Variants in KDM4B observed in about 807,000 individuals in gnomAD.
KDM4B encodes lysine-specific demethylase 4B.
A neutral mutation model predicts 125.2 loss-of-function variants in KDM4B; 32 were observed. The observed-to-expected ratio is 0.26, with a 90% CI of 0.19 to 0.34. The LOEUF is 0.34. Among genes scored for constraint, KDM4B ranks in the 10% least tolerant of loss-of-function variants. KDM4B has a pLI of 1.00. For synonymous variants in KDM4B, 721 were observed against 677.9 expected, an observed-to-expected ratio of 1.06 and a Z score of -0.99; for missense variants, 1,190 against 1,577.7, an observed-to-expected ratio of 0.75 and a Z score of 4.16.
chr19:5,033,074 C>A (rs960891514), intron 3 of KDM4B, 43 bp downstream of exon 3: 5 of 1,598,616 alleles, frequency 3.1e-6, no homozygotes, highest in Non-Finnish European at 3.4e-6. Context: ...CATCAGCCTG[C>A]GCCGCGGGCC....
At chr19:4,988,850 C>T (rs1034813041) in intron 1 of KDM4B, among the ~76,000 whole-genome samples, 1 of 152,170 alleles carries the variant, frequency 6.6e-6, no homozygotes, top group Non-Finnish European at 1.5e-5. Context: ...GGTGACCTCA[C>T]TGCATTGGCC....
intron 18 of KDM4B, among the ~76,000 whole-genome samples, chr19:5,139,675 C>T (rs979900871): frequency 2.0e-5 from 3 of 152,254 alleles, no homozygotes; most frequent in Non-Finnish European, 2.9e-5. Context: ...GTCAGTGACG[C>T]TGGGCATCTT....
intron 1 of KDM4B, among the ~76,000 whole-genome samples, chr19:4,995,178 A>G (rs1472881069): frequency 2.0e-5 from 3 of 152,164 alleles, no homozygotes. Flanking sequence ...TGGGAAGGAC[A>G]CCAGCTCCCC....
intron 1 of KDM4B, among the ~76,000 whole-genome samples, chr19:4,980,175 A>G (rs1392710375): frequency 1.3e-5 from 2 of 152,046 alleles, no homozygotes; most frequent in Non-Finnish European, 2.9e-5. Context: ...CCACTATCAA[A>G]TGTTAGAACC....
chr19:5,110,451 G>A (rs778982878), intron 9 of KDM4B, among the ~76,000 whole-genome samples, 171 bp from the exon 10 acceptor site: 18 of 152,204 alleles, frequency 1.2e-4, no homozygotes, highest in Non-Finnish European at 2.2e-4. Context: ...CAGCCTGGGC[G>A]ACAGAGTGAG....
rs2039743595 is a variant in KDM4B at position 5,141,556 on chromosome 19, T to C, written c.2551-2411T>C. The C allele has an allele frequency of 6.6e-6, 1 of 152,208 alleles. No homozygotes were observed. The highest frequency in any genetic ancestry group is 2.1e-4 in the South Asian group (1 of 4,832). The allele number at this position is 152,208 out of a possible 1,614,324, so 9.4% of individuals were successfully genotyped here. ...TTGCAAGGAGGCGGCGGTTAATTCC[T>C]GCTCGCCCAACCGCCCAGCCACCTT... On this transcript the variant is annotated intron_variant, in intron 18 of 22. Transcript: ENST00000159111. The surrounding 1 kb of genome is among the most constrained non-coding windows in gnomAD (Gnocchi z 6.4).
At chr19:4,987,716 C>T (rs923049713) in intron 1 of KDM4B, among the ~76,000 whole-genome samples, 18 of 152,074 alleles carry the variant, frequency 1.2e-4, no homozygotes, top group African/African-American at 2.9e-4. Flanking sequence ...TGAGCCACTG[C>T]GCCCGGCCAG....
chr19:5,144,873 A>G lies in KDM4B; in HGVS notation c.2992A>G (p.Ile998Val), dbSNP rs1568326123. ...TDGNLYKAKF[I>V]SSVTSHIYQV... ...CGGCAACCTCTACAAGGCCAAGTTC[A>G]TCTCCTCCGTCACCAGCCACATCTA... The change falls in exon 21 of 23, where the codon ATC (isoleucine) becomes GTC (valine). Residue 998 changes from isoleucine to valine, a missense_variant. Transcript: ENST00000159111. 5 of 1,612,638 alleles carry G rather than the reference A, an allele frequency of 3.1e-6. No homozygotes were observed. The highest frequency in any genetic ancestry group is 4.2e-6 in the Non-Finnish European group (5 of 1,179,682).
At chr19:5,064,458 G>A (rs1599539896) in intron 6 of KDM4B, among the ~76,000 whole-genome samples, 1 of 151,636 alleles carries the variant, frequency 6.6e-6, no homozygotes, top group Middle Eastern at 3.4e-3. Context: ...CACATTCCTC[G>A]GCGGCGGGGG....
rs2039953266 is a variant in KDM4B at position 5,151,781 on chromosome 19, G to A, written c.*270G>A. 2.7e-6 allele frequency: 1 copy of A among 363,996 alleles called. No individual in the cohort carries two copies. Among genetic ancestry groups the A allele is most frequent in the Non-Finnish European group, 4.9e-6 (1 of 204,026 alleles). The allele number at this position is 363,996 out of a possible 1,614,324, so 22.5% of individuals were successfully genotyped here. On this transcript the variant is annotated 3_prime_UTR_variant, in exon 23 of 23. Coordinates refer to ENST00000159111, the MANE Select transcript of KDM4B (RefSeq NM_015015.3). ...AAACCATGTAAGCTCTCTTCTTCTCGAAAAGGTGCTACTGCAATGCCCTAC... is the reference window on the plus strand; with the variant it reads ...AAACCATGTAAGCTCTCTTCTTCTCAAAAAGGTGCTACTGCAATGCCCTAC...
intron 7 of KDM4B, among the ~76,000 whole-genome samples, chr19:5,073,114 C>T (rs1253602776): frequency 2.0e-5 from 3 of 152,242 alleles, no homozygotes; most frequent in Non-Finnish European, 4.4e-5. Flanking sequence ...AACTCGATCC[C>T]ATCTGCAAAG....
rs2039955511 is a variant in KDM4B at position 5,141,565 on chromosome 19, A to T, written c.2551-2402A>T. ...GGCGGCGGTTAATTCCTGCTCGCCC[A>T]ACCGCCCAGCCACCTTCGCGGGCCA... On this transcript the variant is annotated intron_variant, in intron 18 of 22. Coordinates refer to ENST00000159111, the MANE Select transcript of KDM4B (RefSeq NM_015015.3). The surrounding 1 kb of genome is among the most constrained non-coding windows in gnomAD (Gnocchi z 6.4). 6.6e-6 allele frequency: 1 copy of T among 152,180 alleles called. No individual in the cohort carries two copies. The highest frequency in any genetic ancestry group is 1.5e-5 in the Non-Finnish European group (1 of 68,040). The allele number at this position is 152,180 out of a possible 1,614,324, so 9.4% of individuals were successfully genotyped here. A position where few individuals can be genotyped will look rare whatever the true frequency, so the allele number is the denominator to read the frequency against.
At chr19:5,119,137 AACAGAC>A in intron 10 of KDM4B, 3 of 1,532,984 alleles carry the variant, frequency 2.0e-6, no homozygotes, top group South Asian at 2.4e-5. Context: ...TCTGAAAGAA[AACAGAC>A]ACTGGAGAAA....
intron 22 of KDM4B, among the ~76,000 whole-genome samples, 158 bp from the exon 23 acceptor site, chr19:5,151,177 C>G (rs2039940555): frequency 6.6e-6 from 1 of 152,218 alleles, no homozygotes; most frequent in Admixed American, 6.5e-5. Context: ...CTGGCAGGAT[C>G]AGGGGTTTAC....
At chr19:5,111,338 C>A in intron 10 of KDM4B, 1 of 751,614 alleles carries the variant, frequency 1.3e-6, no homozygotes, top group Middle Eastern at 2.3e-4. Flanking sequence ...GAAGGCCGGC[C>A]CCGGGGCGTG....
At chr19:5,003,068 C>T (rs2035442238) in intron 1 of KDM4B, among the ~76,000 whole-genome samples, 2 of 152,188 alleles carry the variant, frequency 1.3e-5, no homozygotes, top group African/African-American at 2.4e-5. Flanking sequence ...TTCTGGCTCT[C>T]GTATGATTCC....
chr19:5,149,731 G>A (rs1422672719), intron 21 of KDM4B, among the ~76,000 whole-genome samples: 1 of 152,252 alleles, frequency 6.6e-6, no homozygotes, highest in Non-Finnish European at 1.5e-5. Context: ...AGGAGGAAGC[G>A]GGGTGCTCCC....
At chr19:5,101,768 T>C (rs2038940079) in intron 9 of KDM4B, among the ~76,000 whole-genome samples, 1 of 151,950 alleles carries the variant, frequency 6.6e-6, no homozygotes, top group Admixed American at 6.6e-5. Context: ...ACTCGGTGCT[T>C]TTCCCGGGGA....
intron 7 of KDM4B, chr19:5,074,957 C>T (rs2038057272): frequency 6.6e-6 from 1 of 152,322 alleles, no homozygotes; most frequent in Non-Finnish European, 1.5e-5. Flanking sequence ...GCAGGCGTGA[C>T]ACCCCACACC....
Sources: gnomAD v4.1 joint callset for allele counts (sites outside exome capture counted in the v4.1 genomes callset) on GRCh38, gnomAD v4.1.1 for gene constraint, Gnocchi (gnomAD v3.1) non-coding constraint, MANE v1.5 for transcripts, NCBI Gene and HGNC (gene_info 2026-07-23, HGNC 2026-07-21) for gene names.